UGT2B4: variants seen among roughly 807,000 people sequenced by gnomAD.
UGT2B4 encodes UDP-glucuronosyltransferase 2B4.
A neutral mutation model predicts 49.8 loss-of-function variants in UGT2B4; 49 were observed. The observed-to-expected ratio is 0.98, with a 90% CI of 0.78 to 1.25. The LOEUF (loss-of-function observed/expected upper bound fraction) is 1.25. UGT2B4 is among the 50% of genes most tolerant of loss of function. UGT2B4 has a pLI of 0.00. For synonymous variants in UGT2B4, 246 were observed against 217.7 expected (o/e 1.13, Z -1.14); for missense variants, 729 against 627.7 (o/e 1.16, Z -1.73).
chr4:69,485,364 T>C lies in UGT2B4; in HGVS notation c.1154A>G (p.Tyr385Cys). Residue 385 changes from tyrosine (Y) to cysteine (C), a missense_variant, in exon 5 of 6, where the codon TAC becomes TGC. Transcript: ENST00000305107. ...AACGCCCACCATAGGGATTCCATGG[T>C]AGATTGCCTCATAGATGCCATTGGC... ...GGANGIYEAI[Y>C]HGIPMVGVPL... 1 of 1,614,012 alleles carries C rather than the reference T, an allele frequency of 6.2e-7. No homozygotes were observed. Among genetic ancestry groups the C allele is most frequent in the African/African-American group, 1.3e-5 (1 of 75,050 alleles).
At chr4:69,520,067 C>A (rs1728813535) in intron 1 of UGT2B4, among the ~76,000 whole-genome samples, 1 of 152,060 alleles carries the variant, frequency 6.6e-6, no homozygotes, top group African/African-American at 2.4e-5. Flanking sequence ...AAAAACTCTA[C>A]TTATTTCCTA....
chr4:69,487,144 A>G (rs1421341937), intron 3 of UGT2B4, among the ~76,000 whole-genome samples: 2 of 152,214 alleles, frequency 1.3e-5, no homozygotes, highest in Non-Finnish European at 2.9e-5. Context: ...AGGGACTGTA[A>G]GTTCAACCAT....
At chr4:69,485,165 C>A (rs747256582) in intron 5 of UGT2B4, 43 bp downstream of exon 5, 57 of 1,601,910 alleles carry the variant, frequency 3.6e-5, no homozygotes, top group South Asian at 1.1e-4. Flanking sequence ...CACAAGGGAA[C>A]CTATCTATAA....
intron 1 of UGT2B4, among the ~76,000 whole-genome samples, chr4:69,507,126 T>C (rs1338117450): frequency 2.0e-5 from 3 of 152,176 alleles, no homozygotes; most frequent in Non-Finnish European, 4.4e-5. Context: ...TCATACTGAA[T>C]GGGCAAAAGC....
Position 69,480,491 on chromosome 4 carries a change from A to G in UGT2B4, c.*143T>C, listed in dbSNP as rs753918506. ...TTCTAATGGTTAAACAGGTACTAAA[A>G]CAAATTTTGACTTGACAAGGTAAGT... On this transcript the variant is annotated 3_prime_UTR_variant, in exon 6 of 6. Transcript: ENST00000305107. 141 of 1,356,880 alleles carry G rather than the reference A, an allele frequency of 1.0e-4. No homozygotes were observed. The highest frequency in any genetic ancestry group is 1.3e-4 in the Non-Finnish European group (133 of 1,008,580). The allele number at this position is 1,356,880 out of a possible 1,614,324, so 84.1% of individuals were successfully genotyped here. A position where few individuals can be genotyped will look rare whatever the true frequency, so the allele number is the denominator to read the frequency against.
chr4:69,511,583 T>C (rs1289652063), intron 1 of UGT2B4, among the ~76,000 whole-genome samples: 1 of 152,176 alleles, frequency 6.6e-6, no homozygotes, highest in African/African-American at 2.4e-5. Context: ...TTCATCTATG[T>C]TTATTAACAA....
intron 1 of UGT2B4, among the ~76,000 whole-genome samples, chr4:69,524,163 T>C (rs181134309): frequency 9.2e-5 from 14 of 152,272 alleles, no homozygotes; most frequent in Admixed American, 8.5e-4. Flanking sequence ...GTAATACTTG[T>C]AATTTCTTTC....
chr4:69,500,664 AGAAAGGAAG>A (rs772087456), upstream of UGT2B4, among the ~76,000 whole-genome samples: 715 of 118,436 alleles, frequency 6.0e-3, 5 homozygotes, highest in Non-Finnish European at 0.011. Flanking sequence ...AAAGAAAGAA[AGAAAGGAAG>A]GAAAGAAAAG....
chr4:69,520,702 G>A (rs542985165), intron 1 of UGT2B4, among the ~76,000 whole-genome samples: 13 of 152,336 alleles, frequency 8.5e-5, no homozygotes, highest in African/African-American at 3.1e-4. Flanking sequence ...TCCAGACTTT[G>A]AGCACAGACG....
At chr4:69,481,362 TG>T (rs1412195551) in intron 5 of UGT2B4, among the ~76,000 whole-genome samples, 1 of 152,162 alleles carries the variant, frequency 6.6e-6, no homozygotes, top group Non-Finnish European at 1.5e-5. Context: ...GTCATAGAAT[TG>T]ACATAGAATG....
chr4:69,495,597 T>C lies in UGT2B4; in HGVS notation c.265A>G (p.Ile89Val). Residue 89 changes from isoleucine (I) to valine (V), a missense_variant, in exon 1 of 6, where the codon ATT becomes GTT. Physicochemically the swap from Ile to Val is conservative, Grantham distance 29. Transcript: ENST00000305107. ...VSLTKTEFED[I>V]IKQLVKRWAE... ...CATCTCTTAACCAGCTGCTTGATAA[T>C]ATCCTCAAACTCAGTTTTAGTTAAA... 6.2e-7 allele frequency: 1 copy of C among 1,614,010 alleles called. No homozygotes were observed.
chr4:69,486,494 A>G (rs1374485013), intron 4 of UGT2B4, 115 bp downstream of exon 4: 4 of 678,802 alleles, frequency 5.9e-6, no homozygotes, highest in East Asian at 6.9e-5. Flanking sequence ...AAGAAGTTTC[A>G]TTTTATTTTT....
At position 69,495,810 on chromosome 4, in the gene UGT2B4, A is replaced by C; in HGVS notation, c.52T>G (p.Phe18Val). Reference sequence around the variant, plus strand: ...ACCTTTCCACAACTCCCAGAGCTAAAGTAACAGCTCAGCTGTATCAGCAGA... The same window carrying C: ...ACCTTTCCACAACTCCCAGAGCTAACGTAACAGCTCAGCTGTATCAGCAGA... ...ALLLIQLSCYFSSGSCGKVLV... is the reference protein window; with the variant it reads ...ALLLIQLSCYVSSGSCGKVLV... Residue 18 changes from phenylalanine (F) to valine (V), a missense_variant, in exon 1 of 6, where the codon TTT becomes GTT. By Grantham distance (50) the Phe-to-Val change is conservative. Coordinates refer to ENST00000305107, the MANE Select transcript of UGT2B4 (RefSeq NM_021139.3). The C allele has an allele frequency of 1.2e-6, 2 of 1,613,220 alleles. No individual in the cohort carries two copies. The highest frequency in any genetic ancestry group is 1.7e-6 in the Non-Finnish European group (2 of 1,179,698).
chr4:69,511,377 G>C (rs1383418842), intron 1 of UGT2B4, among the ~76,000 whole-genome samples: 4 of 151,924 alleles, frequency 2.6e-5, no homozygotes, highest in Non-Finnish European at 4.4e-5. Context: ...TTGTTCAGTT[G>C]TGTCAAATGC....
intron 1 of UGT2B4, among the ~76,000 whole-genome samples, chr4:69,507,610 T>C (rs1728507640): frequency 6.6e-6 from 1 of 152,032 alleles, no homozygotes; most frequent in African/African-American, 2.4e-5. Flanking sequence ...TGCTCATGAA[T>C]AGGAAGAGTC....
chr4:69,521,383 G>A (rs1031900725), intron 1 of UGT2B4, among the ~76,000 whole-genome samples: 2 of 152,192 alleles, frequency 1.3e-5, no homozygotes, highest in African/African-American at 2.4e-5. Context: ...AGTTCCTGAT[G>A]TCTCCAAGCT....
intron 1 of UGT2B4, among the ~76,000 whole-genome samples, chr4:69,504,294 A>G (rs1264410494): frequency 2.6e-5 from 4 of 152,212 alleles, no homozygotes; most frequent in African/African-American, 9.6e-5. Flanking sequence ...CTAAACAAGT[A>G]CATTGTAACC....
At chr4:69,522,491 G>C (rs1728871105) in intron 1 of UGT2B4, among the ~76,000 whole-genome samples, 1 of 152,190 alleles carries the variant, frequency 6.6e-6, no homozygotes, top group Non-Finnish European at 1.5e-5. Context: ...TATGTTTACA[G>C]TATTAGAGAG....
Position 69,485,295 on chromosome 4 carries a change from G to T in UGT2B4, c.1223C>A (p.Ala408Asp). ...GTCCAAACTAACAGCTGCTCCCTTG[G>T]CCTTCATGTGTGCAATGTTATCAGG... is the stretch of plus-strand genomic sequence containing the variant. ...DQPDNIAHMK[A>D]KGAAVSLDFH... The change falls in exon 5 of 6, where the codon GCC (alanine) becomes GAC (aspartate). Residue 408 changes from alanine to aspartate, a missense_variant. Coordinates refer to ENST00000305107, the MANE Select transcript of UGT2B4 (RefSeq NM_021139.3). 1.2e-6 allele frequency: 2 copies of T among 1,613,916 alleles called. No individual in the cohort carries two copies. Among genetic ancestry groups the T allele is most frequent in the Non-Finnish European group, 1.7e-6 (2 of 1,179,942 alleles).
Sources: allele counts gnomAD v4.1 joint callset (sites outside exome capture counted in the v4.1 genomes callset), GRCh38; gene constraint gnomAD v4.1.1; transcripts MANE v1.5; gene names NCBI Gene and HGNC (gene_info 2026-07-23, HGNC 2026-07-21).